FHIT: variants seen among roughly 807,000 people sequenced by gnomAD.
FHIT encodes the protein fragile histidine triad diadenosine triphosphatase.
In FHIT, 19 loss-of-function variants were observed where a neutral mutation model predicts 17.9. That is an observed-to-expected ratio of 1.06 (90% CI 0.74 to 1.56). The LOEUF is 1.56. Ranked by LOEUF, FHIT falls within the 40% of genes most tolerant of loss-of-function variation. The pLI is 0.00. For missense variants in FHIT, 248 were observed against 189.2 expected (o/e 1.31, Z -1.82); for synonymous variants, 81 against 69.7 (o/e 1.16, Z -0.81).
chr3:60,071,431 C>T (rs1431356488), intron 5 of FHIT, among the ~76,000 whole-genome samples: 2 of 152,102 alleles, frequency 1.3e-5, no homozygotes, highest in East Asian at 1.9e-4. Flanking sequence ...GCACTGCAAC[C>T]GTGTCTGTAT....
At chr3:60,963,974 C>T (rs1242928243) in intron 3 of FHIT, among the ~76,000 whole-genome samples, 1 of 152,112 alleles carries the variant, frequency 6.6e-6, no homozygotes, top group Non-Finnish European at 1.5e-5. Context: ...GAGTTCAATT[C>T]CTGGATATCA....
intron 2 of FHIT, among the ~76,000 whole-genome samples, chr3:61,082,162 C>T (rs752913802): frequency 1.3e-5 from 2 of 152,010 alleles, no homozygotes; most frequent in East Asian, 3.8e-4. Context: ...ACAGGGCACA[C>T]ATACCCACTT....
At chr3:59,819,806 A>G (rs898770554) in intron 8 of FHIT, among the ~76,000 whole-genome samples, 1 of 152,236 alleles carries the variant, frequency 6.6e-6, no homozygotes, top group Non-Finnish European at 1.5e-5. Flanking sequence ...ACCCAATGTG[A>G]CAGTATTAAG....
chr3:60,889,881 T>C (rs1705423574), intron 3 of FHIT, among the ~76,000 whole-genome samples: 1 of 152,188 alleles, frequency 6.6e-6, no homozygotes, highest in African/African-American at 2.4e-5. Flanking sequence ...GCAATCCTTT[T>C]TGTCAAAAGG....
intron 4 of FHIT, among the ~76,000 whole-genome samples, chr3:60,722,056 G>A (rs569323737): frequency 6.6e-6 from 1 of 152,276 alleles, no homozygotes; most frequent in South Asian, 2.1e-4. Context: ...GCTATAAACA[G>A]CAGTGGTAAA....
At chr3:60,104,654 T>C (rs2107153650) in intron 5 of FHIT, among the ~76,000 whole-genome samples, 1 of 152,074 alleles carries the variant, frequency 6.6e-6, no homozygotes, top group Middle Eastern at 3.4e-3. Context: ...CAAAGCAAAA[T>C]TCAATTAATG....
At chr3:60,282,126 T>G (rs1402760066) in intron 5 of FHIT, among the ~76,000 whole-genome samples, 9 of 152,138 alleles carry the variant, frequency 5.9e-5, no homozygotes, top group Non-Finnish European at 7.4e-5. Flanking sequence ...TAAACATAGT[T>G]TCACCACAGA....
chr3:61,093,537 G>C (rs2035548701), intron 2 of FHIT, among the ~76,000 whole-genome samples: 1 of 152,146 alleles, frequency 6.6e-6, no homozygotes, highest in South Asian at 2.1e-4. Flanking sequence ...GAAAGAGAAA[G>C]CAATGTGATG....
chr3:60,211,578 A>G (rs1206600803), intron 5 of FHIT, among the ~76,000 whole-genome samples: 3 of 152,218 alleles, frequency 2.0e-5, no homozygotes, highest in African/African-American at 7.2e-5. Flanking sequence ...TATTTAAGAT[A>G]CATAACAATT....
At chr3:60,646,144 C>A (rs2066099471) in intron 4 of FHIT, among the ~76,000 whole-genome samples, 1 of 152,144 alleles carries the variant, frequency 6.6e-6, no homozygotes, top group Non-Finnish European at 1.5e-5. Flanking sequence ...TAACAATCAT[C>A]TCAGCTGCAT....
chr3:60,021,284 C>T (rs1700544570), intron 5 of FHIT, among the ~76,000 whole-genome samples: 1 of 152,094 alleles, frequency 6.6e-6, no homozygotes, highest in Non-Finnish European at 1.5e-5. Flanking sequence ...GGCAACATGC[C>T]CTGAGCTGCC....
At chr3:60,500,091 A>T (rs994348125) in intron 5 of FHIT, among the ~76,000 whole-genome samples, 2 of 152,242 alleles carry the variant, frequency 1.3e-5, no homozygotes, top group Non-Finnish European at 2.9e-5. Context: ...CATTTACAAT[A>T]GACAACTCTG....
rs547255932 is a variant in FHIT, at chr3:59,786,542, G to A, written c.349-34221C>T. Among the ~76,000 whole-genome samples, 10 of 152,284 alleles carry A rather than the reference G, an allele frequency of 6.6e-5. No homozygotes were observed. The East Asian group carries it at 1.4e-3, about 21-fold the overall frequency. ...CGTGCGATGCGTGATAAAATACTAC[G>A]GTAATGTGGAATAATGCTTTCAACT... On this transcript the variant is annotated intron_variant, in intron 8 of 9. Transcript: ENST00000492590.
chr3:59,817,577 A>AAAAAAG (rs1553686383), intron 8 of FHIT, among the ~76,000 whole-genome samples: 4 of 151,062 alleles, frequency 2.6e-5, no homozygotes, highest in East Asian at 3.9e-4. Flanking sequence ...AAAAAAAAAA[A>AAAAAAG]AAAGAAAGAA....
intron 5 of FHIT, among the ~76,000 whole-genome samples, chr3:60,531,318 G>T (rs1164270281): frequency 1.6e-5 from 2 of 121,786 alleles, no homozygotes; most frequent in Non-Finnish European, 3.2e-5. Flanking sequence ...TCGCTCTGTC[G>T]CCCAGGCTGG....
At chr3:60,703,275 C>T (rs1553702684) in intron 4 of FHIT, among the ~76,000 whole-genome samples, 3 of 152,172 alleles carry the variant, frequency 2.0e-5, no homozygotes, top group African/African-American at 7.2e-5. Flanking sequence ...TTAGAGCCTT[C>T]AAAGGCAGGA....
At chr3:61,167,740 G>A (rs1332662525) in intron 2 of FHIT, among the ~76,000 whole-genome samples, 1 of 151,874 alleles carries the variant, frequency 6.6e-6, no homozygotes, top group Non-Finnish European at 1.5e-5. Context: ...AGAAAAGAAG[G>A]TACCAAGAGG....
intron 2 of FHIT, among the ~76,000 whole-genome samples, chr3:61,068,753 A>C (rs141159590): frequency 3.3e-5 from 5 of 152,152 alleles, no homozygotes; most frequent in African/African-American, 1.2e-4. Context: ...TATAGAAAAT[A>C]AGAGAACCAG....
chr3:60,895,142 C>T (rs185673469), intron 3 of FHIT, among the ~76,000 whole-genome samples: 2 of 152,288 alleles, frequency 1.3e-5, no homozygotes, highest in Admixed American at 6.5e-5. Context: ...CTTTGCCCAT[C>T]ATGTCATTAA....
Sources: gnomAD v4.1 joint callset for allele counts (sites outside exome capture counted in the v4.1 genomes callset) on GRCh38, gnomAD v4.1.1 for gene constraint, MANE v1.5 for transcripts, NCBI Gene and HGNC (gene_info 2026-07-23, HGNC 2026-07-21) for gene names.